CADPS: variants seen among roughly 807,000 people sequenced by gnomAD.
CADPS encodes calcium dependent secretion activator.
CADPS carries 57 observed loss-of-function variants against 167.3 expected under a neutral mutation model. The ratio of observed to expected loss-of-function variants is 0.34; its 90% CI spans 0.28 to 0.42. CADPS has a LOEUF of 0.42. Ranked by LOEUF, CADPS falls within the 20% of genes least tolerant of loss-of-function variation. CADPS has a pLI of 1.00. For missense variants in CADPS, 1,414 were observed against 1,738.1 expected (o/e 0.81, Z 3.32); for synonymous variants, 676 against 635.3 (o/e 1.06, Z -0.96).
chr3:62,542,578 C>G (rs893917944), intron 11 of CADPS, among the ~76,000 whole-genome samples: 1 of 152,050 alleles, frequency 6.6e-6, no homozygotes, highest in Non-Finnish European at 1.5e-5. Flanking sequence ...ATGCCTGCTG[C>G]CCAGAGGCAC....
chr3:62,456,525 A>T (rs898719182), intron 26 of CADPS, among the ~76,000 whole-genome samples: 1 of 152,178 alleles, frequency 6.6e-6, no homozygotes, highest in Admixed American at 6.5e-5. Context: ...ACAAACAAGC[A>T]CCAAATGGAA....
rs560029612 is a variant in CADPS, at chr3:62,421,301, G to A, written c.3777+16803C>T. Among the ~76,000 whole-genome samples the A allele has an allele frequency of 1.5e-4, 22 of 150,536 alleles. No homozygotes were observed. The East Asian group carries it at 1.8e-3, about 12-fold the overall frequency. On this transcript the variant is annotated intron_variant, in intron 28 of 29. Coordinates refer to ENST00000383710, the MANE Select transcript of CADPS (RefSeq NM_003716.4). This position sits in a 1 kb window ranked among gnomAD's most constrained non-coding sequence, Gnocchi z 4.7. ...AAATTAAACACTTGTGGGTTCATTC[G>A]AAAGAGTGAATGAAATTGAATAAGC...
Position 62,525,679 on chromosome 3 carries a change from A to ATGTGTGTGTGTGTGTGTGTG in CADPS, c.2291+7172_2291+7191dup, listed in dbSNP as rs34729200. ...GAGAAGCACCGGATGTAATGTCATT[A>ATGTGTGTGTGTGTGTGTGTG]TGTGTGTGTGTGTGTGTGTGTGTGT... is the stretch of plus-strand genomic sequence containing the variant. On this transcript the variant is annotated intron_variant, in intron 13 of 29. Transcript: ENST00000383710. 2.8e-3 allele frequency among the ~76,000 whole-genome samples: 412 copies of ATGTGTGTGTGTGTGTGTGTG among 148,908 alleles called. 3 individuals carry two copies. The highest frequency in any genetic ancestry group is 9.2e-3 in the African/African-American group (369 of 40,222).
chr3:62,490,488 G>A (rs2063521112), intron 21 of CADPS, among the ~76,000 whole-genome samples: 1 of 152,092 alleles, frequency 6.6e-6, no homozygotes. Flanking sequence ...TTCCCATTTG[G>A]GGAATGGAGA....
rs1276484109 is a variant in CADPS at position 62,731,475 on chromosome 3, C to T, written c.888+21966G>A. ...GTCTCACCTTCCAAACTGAGGTAGT[C>T]CACATTTGTCATTGTGGTTAATAAC... On this transcript the variant is annotated intron_variant, in intron 3 of 29. Transcript: ENST00000383710. 5.3e-5 allele frequency among the ~76,000 whole-genome samples: 8 copies of T among 151,990 alleles called. 1 individual carries two copies. The highest frequency in any genetic ancestry group is 5.2e-4 in the Admixed American group (8 of 15,256).
chr3:62,840,588 AG>A (rs2076513449), intron 1 of CADPS, among the ~76,000 whole-genome samples: 1 of 152,062 alleles, frequency 6.6e-6, no homozygotes, highest in Non-Finnish European at 1.5e-5. Context: ...TATATAAAAA[AG>A]TGTGTGTGTT....
At chr3:62,459,566 A>G (rs1199899748) in intron 26 of CADPS, among the ~76,000 whole-genome samples, 1 of 151,992 alleles carries the variant, frequency 6.6e-6, no homozygotes, top group African/African-American at 2.4e-5. Context: ...GCAAAACTCT[A>G]CTTATTTTTT....
At chr3:62,477,310 C>T (rs925583420) in intron 23 of CADPS, among the ~76,000 whole-genome samples, 11 of 98,110 alleles carry the variant, frequency 1.1e-4, no homozygotes, top group African/African-American at 4.5e-4. Context: ...TGCTTGCAAT[C>T]TGGGTTTTTT....
chr3:62,431,396 C>G (rs76162235), intron 28 of CADPS, among the ~76,000 whole-genome samples: 4 of 152,014 alleles, frequency 2.6e-5, no homozygotes, highest in African/African-American at 7.2e-5. Flanking sequence ...GTTTAGCCCC[C>G]CCTCAATCTT....
At chr3:62,859,537 T>C (rs2080366623) in intron 1 of CADPS, among the ~76,000 whole-genome samples, 1 of 152,232 alleles carries the variant, frequency 6.6e-6, no homozygotes. Flanking sequence ...GACGTGCTTC[T>C]GATTAATTGA....
At position 62,438,391 on chromosome 3, in the gene CADPS, T is replaced by G. The variant is rs1407298856; in HGVS notation, c.3670-180A>C. The G allele has an allele frequency of 1.9e-6, 1 of 532,290 alleles. No individual in the cohort carries two copies. The highest frequency in any genetic ancestry group is 3.4e-6 in the Non-Finnish European group (1 of 297,014). The allele number at this position is 532,290 out of a possible 1,614,324, so 33.0% of individuals were successfully genotyped here. A position where few individuals can be genotyped will look rare whatever the true frequency, so the allele number is the denominator to read the frequency against. On this transcript the variant is annotated intron_variant, in intron 27 of 29. Transcript: ENST00000383710. The surrounding 1 kb of genome is among the most constrained non-coding windows in gnomAD (Gnocchi z 4.7). Reference sequence around the variant, plus strand: ...TGGTAGGAATTGATATTAGAACTGCTTCCTCTTTCCAGAAATCAAGCCTGG... The same window carrying G: ...TGGTAGGAATTGATATTAGAACTGCGTCCTCTTTCCAGAAATCAAGCCTGG...
intron 2 of CADPS, among the ~76,000 whole-genome samples, chr3:62,756,184 A>G (rs1575919640): frequency 6.6e-6 from 1 of 151,648 alleles, no homozygotes; most frequent in African/African-American, 2.4e-5. Context: ...TCCCAAGTAG[A>G]TGGGATTACA....
intron 28 of CADPS, among the ~76,000 whole-genome samples, chr3:62,425,510 G>A (rs905164726): frequency 6.6e-6 from 1 of 152,294 alleles, no homozygotes; most frequent in South Asian, 2.1e-4. Flanking sequence ...AATATTTAAT[G>A]TACAACTGGA....
intron 7 of CADPS, among the ~76,000 whole-genome samples, chr3:62,587,955 A>T (rs2085018515): frequency 6.6e-6 from 1 of 152,200 alleles, no homozygotes; most frequent in Admixed American, 6.5e-5. Flanking sequence ...AGCAGACCAG[A>T]CACCTCATCT....
chr3:62,777,648 C>T (rs529364167), intron 1 of CADPS, among the ~76,000 whole-genome samples: 29 of 152,084 alleles, frequency 1.9e-4, no homozygotes, highest in Non-Finnish European at 3.8e-4. Context: ...TAGGGGGATA[C>T]GGAGTATACG....
Position 62,525,300 on chromosome 3 carries a change from T to C in CADPS, c.2292-7050A>G, listed in dbSNP as rs2071789687. 3.3e-5 allele frequency among the ~76,000 whole-genome samples: 5 copies of C among 152,284 alleles called. No homozygotes were observed. The South Asian group carries it at 1.0e-3, about 32-fold the overall frequency. The stretch of plus-strand genomic sequence containing the variant: ...ACAAGTTCCAAAGTGAATTTCTCCT[T>C]GGACATCTGGGATGCCTACTTATAC... On this transcript the variant is annotated intron_variant, in intron 13 of 29. Transcript: ENST00000383710.
rs2068481909 is a variant in CADPS at position 62,514,229 on chromosome 3, C to T, written c.2582-1461G>A. 6.6e-6 allele frequency among the ~76,000 whole-genome samples: 1 copy of T among 152,180 alleles called. No individual in the cohort carries two copies. Among genetic ancestry groups the T allele is most frequent in the East Asian group, 1.9e-4 (1 of 5,174 alleles). Reference sequence around the variant, plus strand: ...AAAGAAAGTTGTCTGGTAGTAATATCTTTCAGGCTGCAATGTCTCAGCCTA... The same window carrying T: ...AAAGAAAGTTGTCTGGTAGTAATATTTTTCAGGCTGCAATGTCTCAGCCTA... On this transcript the variant is annotated intron_variant, in intron 16 of 29. Coordinates refer to ENST00000383710, the MANE Select transcript of CADPS (RefSeq NM_003716.4). The surrounding 1 kb of genome is among the most constrained non-coding windows in gnomAD (Gnocchi z 4.2).
At chr3:62,407,065 C>T (rs897020802) in intron 28 of CADPS, among the ~76,000 whole-genome samples, 1 of 152,082 alleles carries the variant, frequency 6.6e-6, no homozygotes, top group Non-Finnish European at 1.5e-5. Flanking sequence ...ATAAAGCACT[C>T]ACAACAGCAT....
At chr3:62,728,045 G>A (rs2077062146) in intron 3 of CADPS, among the ~76,000 whole-genome samples, 1 of 151,796 alleles carries the variant, frequency 6.6e-6, no homozygotes, top group Admixed American at 6.6e-5. Context: ...GGCCAATAGA[G>A]CATATGGTAC....
Sources: gnomAD v4.1 joint callset for allele counts (sites outside exome capture counted in the v4.1 genomes callset) on GRCh38, gnomAD v4.1.1 for gene constraint, Gnocchi (gnomAD v3.1) non-coding constraint, MANE v1.5 for transcripts, NCBI Gene and HGNC (gene_info 2026-07-23, HGNC 2026-07-21) for gene names.